The following UGGT2 variants were observed in gnomAD, a reference collection of about 807,000 sequenced individuals.
UGGT2 encodes UDP-glucose glycoprotein glucosyltransferase 2.
In UGGT2, 180 loss-of-function variants were observed where a neutral mutation model predicts 192.1. The observed-to-expected ratio is 0.94, with a 90% CI of 0.83 to 1.06. The LOEUF is 1.06. Among genes scored for constraint, UGGT2 ranks in the 50% least tolerant of loss-of-function variants. The pLI is 0.00. For missense variants in UGGT2, 1,849 were observed against 1,795.7 expected, an observed-to-expected ratio of 1.03 and a Z score of -0.54; for synonymous variants, 580 against 591.0, an observed-to-expected ratio of 0.98 and a Z score of 0.27.
At chr13:95,936,783 A>G (rs2049479401) in intron 17 of UGGT2, 141 bp downstream of exon 17, 1 of 886,638 alleles carries the variant, frequency 1.1e-6, no homozygotes, top group South Asian at 2.2e-5. Flanking sequence ...TAAGCTGCTA[A>G]AAGTATCATT....
intron 12 of UGGT2, among the ~76,000 whole-genome samples, chr13:95,952,063 A>AAAG (rs2050081470): frequency 6.6e-6 from 1 of 151,952 alleles, no homozygotes; most frequent in African/African-American, 2.4e-5. Context: ...CTCAAAAAAA[A>AAAG]AAAGATACAT....
At chr13:95,881,118 G>A (rs1218331564) in intron 27 of UGGT2, among the ~76,000 whole-genome samples, 3 of 152,250 alleles carry the variant, frequency 2.0e-5, no homozygotes, top group East Asian at 3.9e-4. Context: ...AGCTTGCAGT[G>A]AGCCAGAGCT....
intron 9 of UGGT2, among the ~76,000 whole-genome samples, chr13:95,986,066 C>A (rs1411270911): frequency 6.6e-6 from 1 of 152,062 alleles, no homozygotes; most frequent in Non-Finnish European, 1.5e-5. Flanking sequence ...GATTACTATG[C>A]ATGATTTTAG....
At chr13:95,836,955 T>C (rs567398632) in intron 37 of UGGT2, 131 bp downstream of exon 37, 24 of 758,710 alleles carry the variant, frequency 3.2e-5, no homozygotes, top group African/African-American at 3.5e-5. Context: ...CCTAAGTAAA[T>C]GTGTAATAGA....
intron 5 of UGGT2, among the ~76,000 whole-genome samples, chr13:96,002,629 A>G (rs2051842616): frequency 6.6e-6 from 1 of 152,228 alleles, no homozygotes; most frequent in Non-Finnish European, 1.5e-5. Context: ...GATTATGCAA[A>G]TATCTATATG....
At chr13:95,861,105 T>C (rs899545979) in intron 31 of UGGT2, among the ~76,000 whole-genome samples, 9 of 152,130 alleles carry the variant, frequency 5.9e-5, no homozygotes, top group African/African-American at 2.2e-4. Flanking sequence ...CTATATTGTC[T>C]TTAGGTGAAT....
chr13:95,844,515 G>GT (rs1190716373), intron 36 of UGGT2, among the ~76,000 whole-genome samples: 6 of 152,108 alleles, frequency 3.9e-5, no homozygotes, highest in Non-Finnish European at 5.9e-5. Context: ...TTTTCAATCT[G>GT]TAAGTCTTAA....
chr13:95,809,137 A>G (rs1884460392), intron 38 of UGGT2, among the ~76,000 whole-genome samples: 1 of 152,180 alleles, frequency 6.6e-6, no homozygotes, highest in Non-Finnish European at 1.5e-5. Flanking sequence ...GCTCTTTTTA[A>G]AAAAAGCATT....
intron 2 of UGGT2, among the ~76,000 whole-genome samples, chr13:96,027,852 A>G (rs922700999): frequency 2.0e-5 from 3 of 152,238 alleles, no homozygotes; most frequent in Non-Finnish European, 4.4e-5. Context: ...CTCTGTTTTT[A>G]AAAGTAGTAG....
At chr13:95,837,839 T>G (rs1304668144) in intron 36 of UGGT2, among the ~76,000 whole-genome samples, 1 of 152,224 alleles carries the variant, frequency 6.6e-6, no homozygotes, top group Non-Finnish European at 1.5e-5. Context: ...AAAGGCATGT[T>G]CCTCTCTCTC....
intron 17 of UGGT2, among the ~76,000 whole-genome samples, chr13:95,936,432 C>T (rs568194755): frequency 1.3e-5 from 2 of 152,330 alleles, no homozygotes; most frequent in Admixed American, 6.5e-5. Flanking sequence ...AGGCAATGGG[C>T]TGATCTGTGG....
At chr13:95,841,404 T>C (rs1219046120) in intron 36 of UGGT2, among the ~76,000 whole-genome samples, 1 of 152,120 alleles carries the variant, frequency 6.6e-6, no homozygotes, top group Non-Finnish European at 1.5e-5. Context: ...TCCTCCTCTA[T>C]TGGGGATGGT....
At chr13:95,978,776 T>C (rs190256427) in intron 10 of UGGT2, among the ~76,000 whole-genome samples, 3 of 152,320 alleles carry the variant, frequency 2.0e-5, no homozygotes, top group East Asian at 1.9e-4. Context: ...TAAATCTTAA[T>C]AGAAATGTTG....
chr13:95,918,891 T>G (rs2048759867), intron 20 of UGGT2, among the ~76,000 whole-genome samples: 1 of 152,184 alleles, frequency 6.6e-6, no homozygotes, highest in South Asian at 2.1e-4. Context: ...ATCATCCTGA[T>G]GCCAAAACCT....
chr13:96,006,711 T>G (rs991871344), intron 5 of UGGT2, among the ~76,000 whole-genome samples: 1 of 147,392 alleles, frequency 6.8e-6, no homozygotes, highest in Non-Finnish European at 1.5e-5. Context: ...GAAGAAAATG[T>G]AGTAGAGAAA....
At chr13:95,970,958 C>T (rs2050753869) in intron 11 of UGGT2, among the ~76,000 whole-genome samples, 2 of 152,174 alleles carry the variant, frequency 1.3e-5, no homozygotes, top group Admixed American at 1.3e-4. Flanking sequence ...TCCTACTTGC[C>T]TTTCTCCCCA....
At chr13:95,930,034 T>G (rs1029502511) in intron 17 of UGGT2, among the ~76,000 whole-genome samples, 1 of 152,232 alleles carries the variant, frequency 6.6e-6, no homozygotes, top group Non-Finnish European at 1.5e-5. Flanking sequence ...TAAGGATTAG[T>G]AGTGTTGAAC....
chr13:95,878,531 T>C (rs957832092), intron 27 of UGGT2, among the ~76,000 whole-genome samples: 3 of 152,162 alleles, frequency 2.0e-5, no homozygotes, highest in Non-Finnish European at 2.9e-5. Context: ...ATTCCAGTTG[T>C]TTCTGGATTT....
intron 5 of UGGT2, among the ~76,000 whole-genome samples, chr13:96,002,652 A>G (rs533257557): frequency 1.1e-4 from 16 of 152,346 alleles, no homozygotes; most frequent in African/African-American, 3.6e-4. Context: ...AACACACTCA[A>G]GAATATTTAA....
Sources: gnomAD v4.1 joint callset for allele counts (sites outside exome capture counted in the v4.1 genomes callset) on GRCh38, gnomAD v4.1.1 for gene constraint, MANE v1.5 for transcripts, NCBI Gene and HGNC (gene_info 2026-07-23, HGNC 2026-07-21) for gene names.